Variants in BMPR1B observed in about 807,000 individuals in gnomAD.
BMPR1B encodes bone morphogenetic protein receptor type 1B, also known as bone morphogenetic protein receptor type-1B.
A neutral mutation model predicts 59.1 loss-of-function variants in BMPR1B; 12 were observed. The observed-to-expected ratio is 0.20, with a 90% CI of 0.13 to 0.33. BMPR1B has a LOEUF of 0.33. Among genes scored for constraint, BMPR1B ranks in the 10% least tolerant of loss-of-function variants. The probability of loss-of-function intolerance (pLI) is 1.00; values close to 1 mark genes in which losing one functional copy is unlikely to be tolerated. For missense variants in BMPR1B, 550 were observed against 610.9 expected (o/e 0.90, Z 1.05); for synonymous variants, 237 against 207.3 (o/e 1.14, Z -1.23).
At chr4:94,897,133 C>A (rs892472509) in intron 2 of BMPR1B, among the ~76,000 whole-genome samples, 1 of 151,982 alleles carries the variant, frequency 6.6e-6, no homozygotes, top group Non-Finnish European at 1.5e-5. Flanking sequence ...GCTGCCTGCT[C>A]TCCATGACAA....
At chr4:94,797,942 G>A (rs960447610) in intron 1 of BMPR1B, among the ~76,000 whole-genome samples, 1 of 152,178 alleles carries the variant, frequency 6.6e-6, no homozygotes, top group African/African-American at 2.4e-5. Flanking sequence ...TAGTGGATGA[G>A]TTTATAACAT....
At chr4:95,094,644 A>G (rs1026226813) in intron 3 of BMPR1B, among the ~76,000 whole-genome samples, 3 of 152,116 alleles carry the variant, frequency 2.0e-5, no homozygotes, top group East Asian at 1.9e-4. Context: ...CACGTCTTCT[A>G]TAAGGAAGTT....
At chr4:94,878,503 TG>T (rs1179343387) in intron 2 of BMPR1B, among the ~76,000 whole-genome samples, 4 of 152,224 alleles carry the variant, frequency 2.6e-5, no homozygotes, top group African/African-American at 9.6e-5. Flanking sequence ...AGGACTTTCT[TG>T]TTACACTGGC....
intron 1 of BMPR1B, among the ~76,000 whole-genome samples, chr4:94,770,099 C>G (rs1362946610): frequency 1.4e-5 from 2 of 147,726 alleles, no homozygotes; most frequent in Non-Finnish European, 3.0e-5. Flanking sequence ...GAATGCTGAT[C>G]TTTGTTGTTT....
intron 3 of BMPR1B, among the ~76,000 whole-genome samples, chr4:95,025,660 GAA>G (rs1560602528): frequency 3.5e-4 from 29 of 83,592 alleles, no homozygotes; most frequent in Non-Finnish European, 9.5e-4. Context: ...CACTTTGTTA[GAA>G]GAAGGAGGTG....
chr4:94,846,460 A>G (rs929117893), intron 1 of BMPR1B, among the ~76,000 whole-genome samples: 2 of 152,160 alleles, frequency 1.3e-5, no homozygotes, highest in Non-Finnish European at 2.9e-5. Context: ...GGCACAATCT[A>G]ATCAACTGCC....
intron 2 of BMPR1B, among the ~76,000 whole-genome samples, chr4:94,957,695 T>C (rs1219128962): frequency 6.6e-6 from 1 of 152,136 alleles, no homozygotes; most frequent in Non-Finnish European, 1.5e-5. Context: ...ATAACTTCAG[T>C]TAATGAATTA....
intron 2 of BMPR1B, among the ~76,000 whole-genome samples, chr4:94,897,895 G>A (rs1727645509): frequency 6.7e-6 from 1 of 150,094 alleles, no homozygotes; most frequent in African/African-American, 2.5e-5. Flanking sequence ...GAGTCCAAGG[G>A]TAGGAGTACT....
chr4:94,957,621 C>T (rs17022696), intron 2 of BMPR1B, among the ~76,000 whole-genome samples: 22,028 of 151,736 alleles, frequency 0.15, 1,735 homozygotes, highest in Middle Eastern at 0.21. Flanking sequence ...CCTTTAGCTC[C>T]TCACAGGAAT....
At chr4:95,126,712 A>T (rs1732932670) in intron 8 of BMPR1B, among the ~76,000 whole-genome samples, 1 of 152,180 alleles carries the variant, frequency 6.6e-6, no homozygotes. Flanking sequence ...AGGGTTCTAT[A>T]AAACTCAGTT....
chr4:94,885,371 C>T (rs1020219989), intron 2 of BMPR1B, among the ~76,000 whole-genome samples: 8 of 152,110 alleles, frequency 5.3e-5, no homozygotes, highest in Non-Finnish European at 8.8e-5. Context: ...ATTATTATTG[C>T]GGTTTAGAAA....
intron 3 of BMPR1B, among the ~76,000 whole-genome samples, chr4:95,071,653 T>C (rs1349542720): frequency 2.1e-5 from 1 of 47,062 alleles, no homozygotes; most frequent in African/African-American, 5.5e-5. Flanking sequence ...TGTGTGTGTG[T>C]ATATATATAT....
chr4:94,907,715 GGTTTGCTTGTATGT>G (rs1165991823), intron 2 of BMPR1B, among the ~76,000 whole-genome samples: 1 of 151,846 alleles, frequency 6.6e-6, no homozygotes, highest in Non-Finnish European at 1.5e-5. Flanking sequence ...TATTTGTTAC[GGTTTGCTTGTATGT>G]GTTTGTCATT....
intron 1 of BMPR1B, among the ~76,000 whole-genome samples, chr4:94,796,527 G>C (rs1425617565): frequency 6.6e-6 from 1 of 152,034 alleles, no homozygotes; most frequent in East Asian, 1.9e-4. Context: ...CCTTTGAAAA[G>C]AGGTTCTTAA....
rs539309258 is a variant in BMPR1B, at chr4:94,874,979, C to T, written c.-182-852C>T. On this transcript the variant is annotated intron_variant, in intron 1 of 12. Coordinates refer to ENST00000515059, the MANE Select transcript of BMPR1B (RefSeq NM_001203.3). ...CTGTAGTCCAGCCTGGGCAACAGAG[C>T]GAGACACCGTCTCAAAAAAAATAAT... Among the ~76,000 whole-genome samples, 28 of 152,096 alleles carry T rather than the reference C, an allele frequency of 1.8e-4. 1 individual carries two copies. The highest frequency in any genetic ancestry group is 1.5e-3 in the Admixed American group (23 of 15,268).
chr4:95,092,538 A>G (rs975357078), intron 3 of BMPR1B, among the ~76,000 whole-genome samples: 3 of 152,112 alleles, frequency 2.0e-5, no homozygotes, highest in African/African-American at 7.2e-5. Flanking sequence ...AATAGTTGAT[A>G]ATAGTGTTTA....
At chr4:95,146,281 G>T (rs574611665) in intron 10 of BMPR1B, among the ~76,000 whole-genome samples, 1 of 152,248 alleles carries the variant, frequency 6.6e-6, no homozygotes, top group South Asian at 2.1e-4. Flanking sequence ...ACTGATTTTT[G>T]GCATTTGGTG....
chr4:94,956,503 A>G (rs1578847704), intron 2 of BMPR1B, among the ~76,000 whole-genome samples: 1 of 152,178 alleles, frequency 6.6e-6, no homozygotes, highest in African/African-American at 2.4e-5. Context: ...TCAGATTTTA[A>G]TGGTTTCTTG....
intron 1 of BMPR1B, among the ~76,000 whole-genome samples, chr4:94,799,489 A>G (rs1219699008): frequency 2.0e-5 from 3 of 151,606 alleles, no homozygotes; most frequent in Admixed American, 2.0e-4. Context: ...ATTTTAGTAG[A>G]GACGGGGTTT....
Sources: allele counts gnomAD v4.1 joint callset (sites outside exome capture counted in the v4.1 genomes callset), GRCh38; gene constraint gnomAD v4.1.1; transcripts MANE v1.5; gene names NCBI Gene and HGNC (gene_info 2026-07-23, HGNC 2026-07-21).